The following NINL variants were observed in gnomAD, a reference collection of about 807,000 sequenced individuals.
NINL encodes ninein like.
A neutral mutation model predicts 160.3 loss-of-function variants in NINL; 153 were observed. The observed-to-expected ratio is 0.95, with a 90% CI of 0.84 to 1.09. NINL has a LOEUF of 1.09. NINL is among the 50% of genes least tolerant of loss of function. The pLI, the probability that NINL is intolerant of heterozygous loss-of-function variation, is 0.00. For synonymous variants in NINL, 800 were observed against 734.8 expected (o/e 1.09, Z -1.43); for missense variants, 1,829 against 1,764.0 (o/e 1.04, Z -0.66).
At chr20:25,514,293 T>A (rs2064126027) in intron 3 of NINL, among the ~76,000 whole-genome samples, 1 of 152,320 alleles carries the variant, frequency 6.6e-6, no homozygotes, top group Admixed American at 6.5e-5. Flanking sequence ...ACCCTAGAGA[T>A]CTGTGCAACT....
At chr20:25,556,925 AG>A (rs1401033364) in intron 1 of NINL, among the ~76,000 whole-genome samples, 1 of 152,212 alleles carries the variant, frequency 6.6e-6, no homozygotes, top group Non-Finnish European at 1.5e-5. Context: ...AACCAAAAAC[AG>A]GAGGATTCTG....
chr20:25,561,240 T>C (rs918560517), intron 1 of NINL, among the ~76,000 whole-genome samples: 3 of 152,146 alleles, frequency 2.0e-5, no homozygotes, highest in Admixed American at 6.5e-5. Context: ...GGTTTCGCTG[T>C]GTTGGCCGGG....
chr20:25,579,238 G>A (rs1171002581), intron 1 of NINL, among the ~76,000 whole-genome samples: 1 of 152,142 alleles, frequency 6.6e-6, no homozygotes, highest in East Asian at 1.9e-4. Context: ...TGACCTCCAT[G>A]TGACCCTGAG....
intron 13 of NINL, among the ~76,000 whole-genome samples, chr20:25,488,295 G>A (rs6115195): frequency 2.6e-5 from 4 of 152,034 alleles, no homozygotes; most frequent in African/African-American, 4.8e-5. Context: ...GTGCGATCTC[G>A]GCTCACTGCA....
intron 17 of NINL, among the ~76,000 whole-genome samples, chr20:25,473,124 A>T (rs2063145081): frequency 6.6e-6 from 1 of 152,222 alleles, no homozygotes; most frequent in Non-Finnish European, 1.5e-5. Context: ...TACACACTGC[A>T]TGATTCCTCT....
At chr20:25,542,373 A>T (rs2064676862) in intron 1 of NINL, among the ~76,000 whole-genome samples, 1 of 152,158 alleles carries the variant, frequency 6.6e-6, no homozygotes, top group African/African-American at 2.4e-5. Flanking sequence ...AATGAAGAAA[A>T]ATGAACAGAG....
At chr20:25,555,620 C>T (rs2064856522) in intron 1 of NINL, among the ~76,000 whole-genome samples, 1 of 152,200 alleles carries the variant, frequency 6.6e-6, no homozygotes, top group Non-Finnish European at 1.5e-5. Context: ...AATCCCAGCA[C>T]TTTGGGAGGC....
At chr20:25,475,510 A>G (rs1310862868) in intron 17 of NINL, among the ~76,000 whole-genome samples, 1 of 152,218 alleles carries the variant, frequency 6.6e-6, no homozygotes, top group Non-Finnish European at 1.5e-5. Flanking sequence ...AAAATCCTCA[A>G]CAAAATACTA....
chr20:25,461,090 G>A (rs11908041), intron 21 of NINL, among the ~76,000 whole-genome samples: 5,285 of 152,226 alleles, frequency 0.035, 263 homozygotes, highest in African/African-American at 0.12. Flanking sequence ...TGCACCTCCC[G>A]CGCCTCTCAC....
At chr20:25,576,676 G>T (rs1204810235) in intron 1 of NINL, among the ~76,000 whole-genome samples, 1 of 151,806 alleles carries the variant, frequency 6.6e-6, no homozygotes, top group African/African-American at 2.4e-5. Context: ...TGCCCAGGTT[G>T]GTCTCGAACT....
At chr20:25,536,726 A>AG (rs944822146) in intron 1 of NINL, among the ~76,000 whole-genome samples, 5 of 148,082 alleles carry the variant, frequency 3.4e-5, no homozygotes, top group African/African-American at 1.3e-4. Flanking sequence ...CCAAAAAAAA[A>AG]AAAAGGTAAG....
Position 25,467,395 on chromosome 20 carries a change from G to T in NINL, c.3417C>A (p.Asn1139Lys). ...CCAGGCGTCGATACGTCACCTGTCT[G>T]TTGAGCACCTCCATCTCAGAGCAGG... ...EKACSEMEVL[N>K]RQNQNYKDQL... Residue 1139 changes from asparagine (N) to lysine (K), a missense_variant, in exon 19 of 24, where the codon AAC becomes AAA. By Grantham distance (94) the Asn-to-Lys change is moderately conservative. Coordinates refer to ENST00000278886, the MANE Select transcript of NINL (RefSeq NM_025176.6). The T allele has an allele frequency of 6.2e-7, 1 of 1,613,262 alleles. No homozygotes were observed. The highest frequency in any genetic ancestry group is 8.5e-7 in the Non-Finnish European group (1 of 1,179,148).
chr20:25,479,052 C>A lies in NINL; in HGVS notation c.2072G>T (p.Trp691Leu), dbSNP rs2063329183. The A allele has an allele frequency of 1.9e-6, 3 of 1,612,120 alleles. No homozygotes were observed. The highest frequency in any genetic ancestry group is 1.6e-4 in the Middle Eastern group (1 of 6,062). ...ELHEKSQEVIWGLQEQLQDTA... is the reference protein window; with the variant it reads ...ELHEKSQEVILGLQEQLQDTA... The stretch of plus-strand genomic sequence containing the variant: ...GTCCTGCAGCTGCTCCTGCAGGCCC[C>A]AGATGACCTCCTGAGACTTCTCGTG... The change falls in exon 16 of 24, where the codon TGG (tryptophan) becomes TTG (leucine). Residue 691 changes from tryptophan (W) to leucine (L), a missense_variant. By Grantham distance (61) the Trp-to-Leu change is moderately conservative. Coordinates refer to ENST00000278886, the MANE Select transcript of NINL (RefSeq NM_025176.6).
chr20:25,526,677 C>T, intron 1 of NINL, 79 bp from the exon 2 acceptor site: 1 of 1,442,332 alleles, frequency 6.9e-7, no homozygotes, highest in Non-Finnish European at 9.5e-7. Context: ...CCGGTGAGCA[C>T]CGAGCTACAT....
At chr20:25,569,373 G>A (rs904417318) in intron 1 of NINL, among the ~76,000 whole-genome samples, 34 of 152,110 alleles carry the variant, frequency 2.2e-4, no homozygotes, top group African/African-American at 7.2e-4. Context: ...ACATGCCAAG[G>A]AGTTTATACG....
chr20:25,489,384 C>T, intron 12 of NINL, 60 bp from the exon 13 acceptor site: 1 of 1,481,592 alleles, frequency 6.7e-7, no homozygotes, highest in Non-Finnish European at 9.4e-7. Flanking sequence ...GGACCTGCTT[C>T]TCCAGCCCCT....
chr20:25,458,141 C>T (rs548356179), intron 22 of NINL, among the ~76,000 whole-genome samples: 37 of 152,232 alleles, frequency 2.4e-4, no homozygotes, highest in African/African-American at 8.2e-4. Flanking sequence ...TGCCACATGG[C>T]GCCACCGCTC....
rs1222536541 is a variant in NINL at position 25,452,952 on chromosome 20, C to G, written c.*499G>C. The G allele has an allele frequency of 6.6e-6, 1 of 152,624 alleles. No homozygotes were observed. The allele number at this position is 152,624 out of a possible 1,614,324, so 9.5% of individuals were successfully genotyped here. On this transcript the variant is annotated 3_prime_UTR_variant, in exon 24 of 24. Transcript: ENST00000278886. ...AGAAGGGGCTTCCCCTCCTTTCTCG[C>G]TGGGTTGACGTTCCCAGCGAGTGAA...
intron 2 of NINL, among the ~76,000 whole-genome samples, chr20:25,523,543 G>A (rs1568940441): frequency 1.3e-5 from 2 of 152,076 alleles, no homozygotes; most frequent in South Asian, 2.1e-4. Flanking sequence ...GTGAGCCACC[G>A]CACCTGGCCT....
Sources: gnomAD v4.1 joint callset for allele counts (sites outside exome capture counted in the v4.1 genomes callset) on GRCh38, gnomAD v4.1.1 for gene constraint, MANE v1.5 for transcripts, NCBI Gene and HGNC (gene_info 2026-07-23, HGNC 2026-07-21) for gene names.